The following PCLO variants were observed in gnomAD, a reference collection of about 807,000 sequenced individuals.
PCLO encodes piccolo presynaptic cytomatrix protein.
A neutral mutation model predicts 427.5 loss-of-function variants in PCLO; 82 were observed. The observed-to-expected ratio is 0.19, with a 90% CI of 0.16 to 0.23. PCLO has a LOEUF of 0.23. PCLO is among the 10% of genes least tolerant of loss of function. The probability of loss-of-function intolerance (pLI) is 1.00; values close to 1 mark genes in which losing one functional copy is unlikely to be tolerated. For synonymous variants in PCLO, 2,357 were observed against 2,155.4 expected (o/e 1.09, Z -2.59); for missense variants, 6,239 against 6,115.9 (o/e 1.02, Z -0.67).
chr7:82,951,474 A>G lies in PCLO; in HGVS notation c.9114T>C (p.Tyr3038=). 1 of 1,570,782 alleles carries G rather than the reference A, an allele frequency of 6.4e-7. No individual in the cohort carries two copies. The highest frequency in any genetic ancestry group is 2.3e-5 in the East Asian group (1 of 43,030). Residue 3038 remains tyrosine (Y), a synonymous_variant, in exon 6 of 25, where the codon TAT becomes TAC. Coordinates refer to ENST00000333891, the MANE Select transcript of PCLO (RefSeq NM_033026.6). The part of the protein sequence containing the change: ...GRVTTGEVMD[Y]SSKTTGPYPE... Reference sequence around the variant, plus strand: ...GATATGGACCTGTAGTCTTGCTTGAATAATCCATTACCTCACCTGAAATAC... The same window carrying G: ...GATATGGACCTGTAGTCTTGCTTGAGTAATCCATTACCTCACCTGAAATAC...
intron 3 of PCLO, among the ~76,000 whole-genome samples, chr7:83,047,610 T>G (rs1789135612): frequency 6.6e-6 from 1 of 152,068 alleles, no homozygotes; most frequent in South Asian, 2.1e-4. Context: ...TTTACAATCT[T>G]GACATTGTTA....
intron 3 of PCLO, among the ~76,000 whole-genome samples, chr7:83,115,710 T>C (rs2116540424): frequency 6.6e-6 from 1 of 152,216 alleles, no homozygotes; most frequent in African/African-American, 2.4e-5. Context: ...AGGTTATTTT[T>C]ATCCTTGTGG....
intron 22 of PCLO, among the ~76,000 whole-genome samples, chr7:82,765,890 C>G (rs6953631): frequency 2.5e-5 from 1 of 39,254 alleles, no homozygotes; most frequent in African/African-American, 6.7e-5. Flanking sequence ...GAGAAGTTAG[C>G]GGGGGGAGAA....
chr7:83,031,418 T>C (rs1034957036), intron 3 of PCLO, among the ~76,000 whole-genome samples: 14 of 152,202 alleles, frequency 9.2e-5, no homozygotes, highest in African/African-American at 3.4e-4. Context: ...GAATTTTTTA[T>C]ATTCAGAGCA....
chr7:83,095,108 G>C (rs1373469178), intron 3 of PCLO, among the ~76,000 whole-genome samples: 1 of 152,006 alleles, frequency 6.6e-6, no homozygotes, highest in Non-Finnish European at 1.5e-5. Flanking sequence ...TTTTTTGTGG[G>C]AGTTTTAAAA....
chr7:82,870,630 C>A (rs1026231846), intron 10 of PCLO, among the ~76,000 whole-genome samples: 2 of 151,838 alleles, frequency 1.3e-5, no homozygotes, highest in African/African-American at 4.8e-5. Context: ...GCAAAGGAAA[C>A]AATCAACAAA....
chr7:83,049,463 G>T (rs1583956533), intron 3 of PCLO, among the ~76,000 whole-genome samples: 1 of 152,190 alleles, frequency 6.6e-6, no homozygotes, highest in East Asian at 1.9e-4. Flanking sequence ...ATATCCTAAA[G>T]AACCATCTTA....
At chr7:82,788,262 TTAG>T (rs1449823516) in intron 22 of PCLO, among the ~76,000 whole-genome samples, 1 of 147,766 alleles carries the variant, frequency 6.8e-6, no homozygotes, top group African/African-American at 2.5e-5. Context: ...ATAATTTATA[TTAG>T]TATATAAATT....
At chr7:83,100,246 G>A (rs12707556) in intron 3 of PCLO, among the ~76,000 whole-genome samples, 6,765 of 152,240 alleles carry the variant, frequency 0.044, 179 homozygotes, top group South Asian at 0.095. Flanking sequence ...GTGGAAGTCA[G>A]TGTGGCAATT....
At chr7:82,790,282 G>A (rs1051920422) in intron 22 of PCLO, among the ~76,000 whole-genome samples, 19 of 152,074 alleles carry the variant, frequency 1.2e-4, no homozygotes, top group Non-Finnish European at 2.5e-4. Context: ...TGGAGTCTAA[G>A]TTCTTCCTGA....
intron 3 of PCLO, among the ~76,000 whole-genome samples, chr7:83,070,996 T>G (rs2116353970): frequency 6.6e-6 from 1 of 151,068 alleles, no homozygotes; most frequent in South Asian, 2.1e-4. Context: ...TGTTTTAATT[T>G]AATTTTCTTT....
chr7:82,777,399 AAT>A (rs1393772529), intron 22 of PCLO, among the ~76,000 whole-genome samples: 2 of 152,046 alleles, frequency 1.3e-5, no homozygotes, highest in African/African-American at 4.8e-5. Context: ...ACTAGAAAAA[AAT>A]ATTTTAAAAT....
At chr7:82,849,197 C>T (rs1332680293) in intron 10 of PCLO, among the ~76,000 whole-genome samples, 1 of 151,898 alleles carries the variant, frequency 6.6e-6, no homozygotes, top group East Asian at 1.9e-4. Context: ...CTTCACATCC[C>T]AAAATAAAAG....
intron 14 of PCLO, among the ~76,000 whole-genome samples, chr7:82,839,824 C>T (rs1792321661): frequency 6.6e-6 from 1 of 152,058 alleles, no homozygotes; most frequent in Admixed American, 6.6e-5. Context: ...TCTTCAATCA[C>T]AGCGACTCCA....
intron 20 of PCLO, among the ~76,000 whole-genome samples, chr7:82,817,297 T>G (rs994756575): frequency 1.3e-5 from 2 of 152,238 alleles, no homozygotes; most frequent in African/African-American, 4.8e-5. Context: ...AATTTGTTTT[T>G]ATTAATCTTG....
chr7:82,988,205 A>T (rs1382053617), intron 3 of PCLO, among the ~76,000 whole-genome samples: 3 of 152,058 alleles, frequency 2.0e-5, no homozygotes, highest in East Asian at 1.9e-4. Context: ...TTTAAAAAAA[A>T]TTTTAGTAGA....
At chr7:83,080,998 T>C (rs903863325) in intron 3 of PCLO, among the ~76,000 whole-genome samples, 17 of 151,962 alleles carry the variant, frequency 1.1e-4, no homozygotes, top group Admixed American at 2.6e-4. Context: ...TCTCAAAATA[T>C]TGTATTGTAT....
intron 10 of PCLO, among the ~76,000 whole-genome samples, chr7:82,854,715 C>G (rs1792757088): frequency 6.6e-6 from 1 of 152,044 alleles, no homozygotes; most frequent in Non-Finnish European, 1.5e-5. Flanking sequence ...AAATGTTATA[C>G]AGCATGGATA....
chr7:83,120,458 T>TAGAG (rs1283389955), intron 3 of PCLO, among the ~76,000 whole-genome samples: 4 of 144,412 alleles, frequency 2.8e-5, no homozygotes, highest in Non-Finnish European at 6.0e-5. Flanking sequence ...AGTCCAAACC[T>TAGAG]AGAGAAAGTT....
Sources: gnomAD v4.1 joint callset for allele counts (sites outside exome capture counted in the v4.1 genomes callset) on GRCh38, gnomAD v4.1.1 for gene constraint, MANE v1.5 for transcripts, NCBI Gene and HGNC (gene_info 2026-07-23, HGNC 2026-07-21) for gene names.